The following EP400 variants were observed in gnomAD, a reference collection of about 807,000 sequenced individuals.
EP400 encodes the protein E1A-binding protein p400.
EP400 carries 105 observed loss-of-function variants against 354.1 expected under a neutral mutation model. The ratio of observed to expected loss-of-function variants is 0.30; its 90% CI spans 0.25 to 0.35. EP400 has a LOEUF of 0.35. Among genes scored for constraint, EP400 ranks in the 10% least tolerant of loss-of-function variants. The pLI, the probability that EP400 is intolerant of heterozygous loss-of-function variation, is 1.00. For synonymous variants in EP400, 1,646 were observed against 1,716.9 expected (o/e 0.96, Z 1.02); for missense variants, 3,280 against 4,121.0 (o/e 0.80, Z 5.59).
chr12:132,029,932 G>T lies in EP400; in HGVS notation c.5584+29G>T. 2.5e-6 allele frequency: 4 copies of T among 1,611,500 alleles called. No homozygotes were observed. Among genetic ancestry groups the T allele is most frequent in the Non-Finnish European group, 3.4e-6 (4 of 1,179,502 alleles). On this transcript the variant is annotated intron_variant, in intron 28 of 52. Transcript: ENST00000389561. The surrounding 1 kb of genome is among the most constrained non-coding windows in gnomAD (Gnocchi z 4.7). Reference sequence around the variant, plus strand: ...TGCGGCAGTTGGGGGCGTGGCCCGTGCGGGAGCTGCACCGGCCCTGGATGA... The same window carrying T: ...TGCGGCAGTTGGGGGCGTGGCCCGTTCGGGAGCTGCACCGGCCCTGGATGA...
Position 132,078,804 on chromosome 12 carries a change from G to C in EP400, c.*1131G>C, listed in dbSNP as rs1356373256. On this transcript the variant is annotated 3_prime_UTR_variant, in exon 53 of 53. Coordinates refer to ENST00000389561, the MANE Select transcript of EP400 (RefSeq NM_015409.5). ...CTGCCAGTGAAGCAGAGAACCACCT[G>C]TGCTGTTGTGGAAGGCGTGCCGTTG... 6.6e-6 allele frequency: 1 copy of C among 152,260 alleles called. No individual in the cohort carries two copies. Among genetic ancestry groups the C allele is most frequent in the African/African-American group, 2.4e-5 (1 of 41,478 alleles). 9.4% of individuals were successfully genotyped at this position (152,260 alleles called of 1,614,324 possible).
chr12:131,991,527 T>G (rs1893032639), intron 10 of EP400, 71 bp downstream of exon 10: 1 of 1,394,484 alleles, frequency 7.2e-7, no homozygotes, highest in Admixed American at 1.7e-5. Context: ...GGCCTTTTCA[T>G]TCTTATCCAG....
chr12:131,976,913 G>C (rs1327261102), intron 2 of EP400, among the ~76,000 whole-genome samples: 1 of 152,088 alleles, frequency 6.6e-6, no homozygotes, highest in Non-Finnish European at 1.5e-5. Flanking sequence ...TTGTCCTCTT[G>C]TTCAAGCCAG....
intron 16 of EP400, among the ~76,000 whole-genome samples, chr12:132,012,173 A>T (rs563767273): frequency 6.6e-6 from 1 of 152,310 alleles, no homozygotes; most frequent in South Asian, 2.1e-4. Flanking sequence ...ATTAGACATC[A>T]TTGTGTTGAG....
At position 131,958,593 on chromosome 12, in the gene EP400, A is replaced by G. The variant is rs150635156; in HGVS notation, c.-35-1992A>G. On this transcript the variant is annotated intron_variant, in intron 1 of 52. Transcript: ENST00000389561. ...TTTTGGAGATGGAATCTTGTTCTTC[A>G]TTGCAGCATCGATTTCCTGGGCTCA... Among the ~76,000 whole-genome samples, 455 of 152,190 alleles carry G rather than the reference A, an allele frequency of 3.0e-3. 1 individual carries two copies. Among genetic ancestry groups the G allele is most frequent in the African/African-American group, 0.01 (431 of 41,524 alleles).
intron 1 of EP400, among the ~76,000 whole-genome samples, chr12:131,956,063 C>T (rs1219520800): frequency 6.6e-6 from 1 of 152,190 alleles, no homozygotes; most frequent in African/African-American, 2.4e-5. Flanking sequence ...GCTCCATCTC[C>T]GCCTTCAGCC....
intron 10 of EP400, among the ~76,000 whole-genome samples, chr12:131,991,825 A>G (rs572906028): frequency 1.3e-5 from 2 of 151,984 alleles, no homozygotes; most frequent in South Asian, 4.2e-4. Flanking sequence ...GAGCTCAGGC[A>G]TTCTGTCCGC....
rs537792055 is a variant in EP400 at position 132,021,404 on chromosome 12, C to G, written c.4690+83C>G. On this transcript the variant is annotated intron_variant, in intron 23 of 52. Transcript: ENST00000389561. ...TAAGAACACGGGGATGTAGGAGGAG[C>G]CTTGCTGTCCACTCCTTTGTCTTTC... 6 of 1,421,410 alleles carry G rather than the reference C, an allele frequency of 4.2e-6. No homozygotes were observed. In the Admixed American group the frequency reaches 8.5e-5, roughly 20 times the overall value. 88.0% of individuals were successfully genotyped at this position (1,421,410 alleles called of 1,614,324 possible).
At position 132,054,525 on chromosome 12, in the gene EP400, A is replaced by G. The variant is rs1390710922; in HGVS notation, c.7729-449A>G. Among the ~76,000 whole-genome samples, 2 of 152,110 alleles carry G rather than the reference A, an allele frequency of 1.3e-5. No homozygotes were observed. Among genetic ancestry groups the G allele is most frequent in the African/African-American group, 4.8e-5 (2 of 41,420 alleles). ...CAATGCAGGACTGGCTTGTTAGGAA[A>G]CACCTTTCTGAGGACTTGGCATTTG... On this transcript the variant is annotated intron_variant, in intron 43 of 52. Coordinates refer to ENST00000389561, the MANE Select transcript of EP400 (RefSeq NM_015409.5). This position sits in a 1 kb window ranked among gnomAD's most constrained non-coding sequence, Gnocchi z 4.0.
chr12:132,041,398 G>A lies in EP400; in HGVS notation c.6208-1906G>A, dbSNP rs144815784. Among the ~76,000 whole-genome samples the A allele has an allele frequency of 5.4e-4, 83 of 152,366 alleles. 2 individuals are homozygous for A. The East Asian group carries it at 0.013, about 24-fold the overall frequency. On this transcript the variant is annotated intron_variant, in intron 32 of 52. Coordinates refer to ENST00000389561, the MANE Select transcript of EP400 (RefSeq NM_015409.5). ...GAGGATGCGGCGGGCTCCTCAGAAG[G>A]CCTGTCCCCCAGCGGTGCTGCCTCT...
chr12:132,047,922 A>T (rs982722941), intron 39 of EP400, among the ~76,000 whole-genome samples: 8 of 152,162 alleles, frequency 5.3e-5, no homozygotes, highest in Non-Finnish European at 4.4e-5. Flanking sequence ...CTTTCTCAGG[A>T]TGTTCCTTGC....
intron 21 of EP400, among the ~76,000 whole-genome samples, chr12:132,019,243 G>A (rs553169036): frequency 6.6e-6 from 1 of 152,166 alleles, no homozygotes; most frequent in Non-Finnish European, 1.5e-5. Flanking sequence ...AGGTCTCCCT[G>A]TGTTGCCAGG....
Position 132,017,735 on chromosome 12 carries a change from C to G in EP400, c.4110+14C>G. 1 of 1,509,860 alleles carries G rather than the reference C, an allele frequency of 6.6e-7. No individual in the cohort carries two copies. Among genetic ancestry groups the G allele is most frequent in the Non-Finnish European group, 8.8e-7 (1 of 1,130,054 alleles). The allele number at this position is 1,509,860 out of a possible 1,614,324, so 93.5% of individuals were successfully genotyped here. ...GATTTCTGGAAGGTAAGTGGAGGAT[C>G]CAGAAAGCGGAATTACTGTTGGATA... On this transcript the variant is annotated intron_variant, in intron 20 of 52. Coordinates refer to ENST00000389561, the MANE Select transcript of EP400 (RefSeq NM_015409.5). This position sits in a 1 kb window ranked among gnomAD's most constrained non-coding sequence, Gnocchi z 5.0.
intron 11 of EP400, 92 bp downstream of exon 11, chr12:131,992,322 C>T: frequency 8.4e-7 from 1 of 1,196,972 alleles, no homozygotes; most frequent in South Asian, 1.4e-5. Context: ...GTCTTGTCAT[C>T]TTCAGCTGGT....
intron 1 of EP400, among the ~76,000 whole-genome samples, chr12:131,958,605 A>G (rs930177619): frequency 1.3e-5 from 2 of 152,000 alleles, no homozygotes; most frequent in African/African-American, 4.8e-5. Flanking sequence ...TGCAGCATCG[A>G]TTTCCTGGGC....
Position 132,067,300 on chromosome 12 carries a change from C to T in EP400, c.8750-62C>T. 6.3e-7 allele frequency: 1 copy of T among 1,582,610 alleles called. No homozygotes were observed. The highest frequency in any genetic ancestry group is 8.6e-7 in the Non-Finnish European group (1 of 1,161,864). On this transcript the variant is annotated intron_variant, in intron 49 of 52. Coordinates refer to ENST00000389561, the MANE Select transcript of EP400 (RefSeq NM_015409.5). The surrounding 1 kb of genome is among the most constrained non-coding windows in gnomAD (Gnocchi z 5.3). The stretch of plus-strand genomic sequence containing the variant: ...TAGAGGTGAGTCAGTTGGAACAGAG[C>T]TTGGCGTGAGCCTCAAGCTCTTTTC...
chr12:131,982,844 C>T (rs1156381872), intron 5 of EP400, among the ~76,000 whole-genome samples: 1 of 151,990 alleles, frequency 6.6e-6, no homozygotes, highest in Non-Finnish European at 1.5e-5. Flanking sequence ...GTGGCAAGTG[C>T]CTGTAGTCCA....
At chr12:131,997,314 A>G (rs1184810196) in intron 12 of EP400, among the ~76,000 whole-genome samples, 1 of 149,928 alleles carries the variant, frequency 6.7e-6, no homozygotes, top group Non-Finnish European at 1.5e-5. Flanking sequence ...TCTGACACCT[A>G]GGCTGGAGTG....
chr12:132,039,479 T>A (rs1402083047), intron 32 of EP400, among the ~76,000 whole-genome samples: 1 of 151,824 alleles, frequency 6.6e-6, no homozygotes, highest in Non-Finnish European at 1.5e-5. Flanking sequence ...TGAGACCCAC[T>A]CCCCCAGCCC....
Sources: allele counts gnomAD v4.1 joint callset (sites outside exome capture counted in the v4.1 genomes callset), GRCh38; gene constraint gnomAD v4.1.1; non-coding constraint Gnocchi (gnomAD v3.1); transcripts MANE v1.5; gene names NCBI Gene and HGNC (gene_info 2026-07-23, HGNC 2026-07-21).